RBM47: variants seen among roughly 807,000 people sequenced by gnomAD.
RBM47 encodes RNA-binding protein 47.
A neutral mutation model predicts 47.1 loss-of-function variants in RBM47; 21 were observed. The ratio of observed to expected loss-of-function variants is 0.45; its 90% confidence interval spans 0.32 to 0.64. RBM47 has a LOEUF of 0.64. Among genes scored for constraint, RBM47 ranks in the 30% least tolerant of loss-of-function variants. The pLI is 0.05. For synonymous variants in RBM47, 375 were observed against 361.7 expected (o/e 1.04, Z -0.42); for missense variants, 708 against 870.9 (o/e 0.81, Z 2.35).
intron 2 of RBM47, among the ~76,000 whole-genome samples, chr4:40,494,476 C>T (rs1241576016): frequency 6.6e-6 from 1 of 152,174 alleles, no homozygotes; most frequent in Admixed American, 6.5e-5. Flanking sequence ...ATGAGTGGCT[C>T]AGCTGTACAG....
chr4:40,452,497 G>C (rs1715592805), intron 3 of RBM47, among the ~76,000 whole-genome samples: 1 of 152,110 alleles, frequency 6.6e-6, no homozygotes, highest in South Asian at 2.1e-4. Flanking sequence ...ATTTGTTTAT[G>C]AAGTATTCTG....
chr4:40,479,208 AG>A (rs1225403691), intron 2 of RBM47, among the ~76,000 whole-genome samples: 1 of 152,254 alleles, frequency 6.6e-6, no homozygotes. Flanking sequence ...TAGCATCAAC[AG>A]TCACAGAGAA....
intron 1 of RBM47, among the ~76,000 whole-genome samples, chr4:40,585,579 G>A (rs1208536227): frequency 1.3e-5 from 2 of 152,210 alleles, no homozygotes; most frequent in Non-Finnish European, 2.9e-5. Flanking sequence ...ATTAGCCAGA[G>A]TAACCACAAT....
At position 40,430,203 on chromosome 4, in the gene RBM47, AAC is replaced by A. The variant is rs1026861159; in HGVS notation, c.1542+2446_1542+2447del. ...GAGCGAGACACCGTCGCAAAAAACA[AAC>A]AAACAAACAAACAAACAAACAAACA... On this transcript the variant is annotated intron_variant, in intron 6 of 6. Coordinates refer to ENST00000295971, the MANE Select transcript of RBM47 (RefSeq NM_001098634.2). 1.4e-4 allele frequency among the ~76,000 whole-genome samples: 18 copies of A among 128,394 alleles called. No homozygotes were observed. The East Asian group carries it at 5.3e-3, about 38-fold the overall frequency. The allele number at this position is 128,394 out of a possible 152,430, so 84.2% of individuals were successfully genotyped here.
chr4:40,588,815 G>T (rs1733840553), intron 1 of RBM47, among the ~76,000 whole-genome samples: 1 of 151,972 alleles, frequency 6.6e-6, no homozygotes, highest in Non-Finnish European at 1.5e-5. Context: ...GAGCAACAAG[G>T]AGAGACATTG....
chr4:40,479,172 C>T (rs1438118293), intron 2 of RBM47, among the ~76,000 whole-genome samples: 1 of 152,146 alleles, frequency 6.6e-6, no homozygotes, highest in African/African-American at 2.4e-5. Flanking sequence ...TATTTTCTTT[C>T]GGTTAATTTG....
At chr4:40,573,835 G>GAGAA (rs1553903570) in intron 1 of RBM47, among the ~76,000 whole-genome samples, 3 of 68,902 alleles carry the variant, frequency 4.4e-5, no homozygotes, top group African/African-American at 1.5e-4. Flanking sequence ...AAGAAAGAAA[G>GAGAA]AGAAAGAAAG....
At chr4:40,426,619 C>A (rs1715083278) in intron 6 of RBM47, among the ~76,000 whole-genome samples, 1 of 152,176 alleles carries the variant, frequency 6.6e-6, no homozygotes, top group South Asian at 2.1e-4. Flanking sequence ...AAGCAATCCT[C>A]CTGTCTCAGC....
At position 40,518,230 on chromosome 4, in the gene RBM47, G is replaced by A. The variant is rs1247826886; in HGVS notation, c.-155+26192C>T. 2.5e-5 allele frequency among the ~76,000 whole-genome samples: 3 copies of A among 120,602 alleles called. No individual in the cohort carries two copies. The East Asian group carries it at 8.4e-4, about 34-fold the overall frequency. 79.1% of individuals were successfully genotyped at this position (120,602 alleles called of 152,430 possible). ...GTCACCCATGTTGGAGTGCAGTGGT[G>A]CCATCATGGCATCATGGCTCACTGT... is the stretch of plus-strand genomic sequence containing the variant. On this transcript the variant is annotated intron_variant, in intron 2 of 6. Coordinates refer to ENST00000295971, the MANE Select transcript of RBM47 (RefSeq NM_001098634.2).
Position 40,425,719 on chromosome 4 carries a change from T to C in RBM47, c.*185A>G. 1 of 844,774 alleles carries C rather than the reference T, an allele frequency of 1.2e-6. No individual in the cohort carries two copies. The allele number at this position is 844,774 out of a possible 1,614,324, so 52.3% of individuals were successfully genotyped here. On this transcript the variant is annotated 3_prime_UTR_variant, in exon 7 of 7. Coordinates refer to ENST00000295971, the MANE Select transcript of RBM47 (RefSeq NM_001098634.2). ...TGGAAATGTATGAACGTAGGCATGC[T>C]AAGTTGAAAATAGTCTTAAAAAACT... is the stretch of plus-strand genomic sequence containing the variant.
intron 2 of RBM47, among the ~76,000 whole-genome samples, chr4:40,487,540 C>T (rs535238851): frequency 6.6e-6 from 1 of 152,256 alleles, no homozygotes; most frequent in Non-Finnish European, 1.5e-5. Context: ...ATCCACCCAC[C>T]TTGGCCTCCC....
intron 1 of RBM47, among the ~76,000 whole-genome samples, chr4:40,551,674 A>G (rs11947070): frequency 0.13 from 18,420 of 147,134 alleles, 1,234 homozygotes; most frequent in East Asian, 0.21. Context: ...TTTGAGACAG[A>G]GTCTCGCTCT....
At chr4:40,512,921 T>TAA (rs140465313) in intron 2 of RBM47, among the ~76,000 whole-genome samples, 1 of 152,106 alleles carries the variant, frequency 6.6e-6, no homozygotes, top group Non-Finnish European at 1.5e-5. Flanking sequence ...ATCAAAATCT[T>TAA]AAAAGAGACA....
At chr4:40,535,371 C>CTTTTTTTTTTTTTTTTCTTTTTT (rs1727841452) in intron 2 of RBM47, among the ~76,000 whole-genome samples, 3 of 103,460 alleles carry the variant, frequency 2.9e-5, no homozygotes, top group African/African-American at 4.3e-5. Flanking sequence ...TATGGTATTT[C>CTTTTTTTTTTTTTTTTCTTTTTT]TTTTTTTTTT....
chr4:40,496,980 G>A (rs974179806), intron 2 of RBM47, among the ~76,000 whole-genome samples: 1 of 151,136 alleles, frequency 6.6e-6, no homozygotes, highest in Admixed American at 6.6e-5. Flanking sequence ...GGCGGAGGTT[G>A]CGGTGAGCCA....
chr4:40,618,349 G>A (rs1736932298), intron 1 of RBM47, among the ~76,000 whole-genome samples: 1 of 151,994 alleles, frequency 6.6e-6, no homozygotes, highest in Non-Finnish European at 1.5e-5. Flanking sequence ...TTGATTGCTT[G>A]AGCCCAAGAT....
intron 2 of RBM47, among the ~76,000 whole-genome samples, chr4:40,537,806 C>A (rs1367035513): frequency 1.3e-5 from 2 of 151,702 alleles, no homozygotes; most frequent in South Asian, 4.2e-4. Flanking sequence ...GTAAATTCGG[C>A]GCAATTACTC....
At chr4:40,477,446 G>A (rs1719780868) in intron 2 of RBM47, among the ~76,000 whole-genome samples, 1 of 152,124 alleles carries the variant, frequency 6.6e-6, no homozygotes, top group Admixed American at 6.5e-5. Context: ...CTAAGGCAGT[G>A]TTTTCAAAAT....
At chr4:40,565,673 C>T (rs1386471007) in intron 1 of RBM47, among the ~76,000 whole-genome samples, 1 of 152,170 alleles carries the variant, frequency 6.6e-6, no homozygotes, top group African/African-American at 2.4e-5. Context: ...CTTAGTTTCT[C>T]AGTCAATGCT....
Sources: allele counts gnomAD v4.1 joint callset (sites outside exome capture counted in the v4.1 genomes callset), GRCh38; gene constraint gnomAD v4.1.1; transcripts MANE v1.5; gene names NCBI Gene and HGNC (gene_info 2026-07-23, HGNC 2026-07-21).